TACC2: variants seen among roughly 807,000 people sequenced by gnomAD.
TACC2 encodes transforming acidic coiled-coil-containing protein 2.
In TACC2, 137 loss-of-function variants were observed where a neutral mutation model predicts 227.3. The ratio of observed to expected loss-of-function variants is 0.60; its 90% CI spans 0.52 to 0.69. TACC2 has a LOEUF of 0.69. Among genes scored for constraint, TACC2 ranks in the 30% least tolerant of loss-of-function variants. TACC2 has a pLI of 0.00. For synonymous variants in TACC2, 1,523 were observed against 1,487.5 expected, an observed-to-expected ratio of 1.02 and a Z score of -0.55; for missense variants, 3,470 against 3,694.4, an observed-to-expected ratio of 0.94 and a Z score of 1.57.
At chr10:122,140,802 TC>T (rs2090414784) in intron 6 of TACC2, among the ~76,000 whole-genome samples, 1 of 152,224 alleles carries the variant, frequency 6.6e-6, no homozygotes, top group South Asian at 2.1e-4. Flanking sequence ...ACCTGCTTAC[TC>T]GCTTTGCTTG....
At chr10:122,012,418 C>CAAAAAAAAAA (rs752342348) in intron 1 of TACC2, among the ~76,000 whole-genome samples, 2,981 of 60,502 alleles carry the variant, frequency 0.049, 205 homozygotes, top group Non-Finnish European at 0.07. Flanking sequence ...GACTCCGTCT[C>CAAAAAAAAAA]AAAAAAAAAA....
At chr10:122,114,663 T>G (rs1441652020) in intron 5 of TACC2, among the ~76,000 whole-genome samples, 1 of 152,172 alleles carries the variant, frequency 6.6e-6, no homozygotes. Flanking sequence ...CCACAGCAAC[T>G]CAGCTACCCA....
chr10:122,041,443 T>TTTG (rs1221403679), intron 2 of TACC2, among the ~76,000 whole-genome samples: 2 of 148,686 alleles, frequency 1.3e-5, no homozygotes, highest in South Asian at 2.1e-4. Flanking sequence ...TTTCCTTTCT[T>TTTG]TTTTTTTTTT....
intron 7 of TACC2, among the ~76,000 whole-genome samples, chr10:122,173,956 A>AGGCTG (rs1407067200): frequency 3.9e-5 from 6 of 152,318 alleles, no homozygotes; most frequent in African/African-American, 1.4e-4. Flanking sequence ...GAAGTGGGCT[A>AGGCTG]GGCTGGGCTG....
At chr10:122,116,400 G>A (rs1161263068) in intron 5 of TACC2, among the ~76,000 whole-genome samples, 1 of 152,188 alleles carries the variant, frequency 6.6e-6, no homozygotes, top group Non-Finnish European at 1.5e-5. Flanking sequence ...ATTTTCCTTA[G>A]GTTGGGGAAG....
At chr10:122,108,826 C>T (rs1476089249) in intron 5 of TACC2, among the ~76,000 whole-genome samples, 2 of 151,962 alleles carry the variant, frequency 1.3e-5, no homozygotes, top group African/African-American at 2.4e-5. Flanking sequence ...CTCTGCCTCC[C>T]GGGTTCAAGT....
At chr10:122,152,026 T>TA (rs1446668979) in intron 7 of TACC2, among the ~76,000 whole-genome samples, 1 of 152,150 alleles carries the variant, frequency 6.6e-6, no homozygotes, top group Non-Finnish European at 1.5e-5. Context: ...TTCCTCCCCT[T>TA]ACTGCCCAAG....
At chr10:122,161,146 G>A (rs2139781804) in intron 7 of TACC2, among the ~76,000 whole-genome samples, 1 of 152,150 alleles carries the variant, frequency 6.6e-6, no homozygotes, top group African/African-American at 2.4e-5. Context: ...ATGTTGCCCA[G>A]GCTGGTCTTG....
At chr10:122,250,109 CAG>C (rs2096223188) in intron 22 of TACC2, among the ~76,000 whole-genome samples, 1 of 152,198 alleles carries the variant, frequency 6.6e-6, no homozygotes, top group Non-Finnish European at 1.5e-5. Context: ...ATTCCAGGGA[CAG>C]GGGTGATCTT....
At chr10:122,005,379 CAG>C in intron 1 of TACC2, among the ~76,000 whole-genome samples, 3 of 114,660 alleles carry the variant, frequency 2.6e-5, no homozygotes, top group South Asian at 2.7e-4. Flanking sequence ...CCACCACGCC[CAG>C]CTTTTTTTTT....
At position 122,086,305 on chromosome 10, in the gene TACC2, T is replaced by C. The variant is rs1387737473; in HGVS notation, c.3805T>C (p.Cys1269Arg). ...ADPRAPGESPCPVGEPPLALE... is the reference protein window; with the variant it reads ...ADPRAPGESPRPVGEPPLALE... ...CCCCAGAGCTCCTGGCGAAAGCCCC[T>C]GTCCTGTAGGGGAGCCCCCACTTGC... Residue 1269 changes from cysteine (C) to arginine (R), a missense_variant, in exon 4 of 23, where the codon TGT becomes CGT. By Grantham distance (180) the Cys-to-Arg change is radical. This residue lies in a region of TACC2 where 1,924 missense variants were observed against 1,978.3 expected (regional missense o/e 0.97). Coordinates refer to ENST00000369005, the MANE Select transcript of TACC2 (RefSeq NM_206862.4). 1 of 1,613,824 alleles carries C rather than the reference T, an allele frequency of 6.2e-7. No individual in the cohort carries two copies. Among genetic ancestry groups the C allele is most frequent in the Non-Finnish European group, 8.5e-7 (1 of 1,180,044 alleles).
chr10:122,225,615 G>A (rs558433842), intron 12 of TACC2, among the ~76,000 whole-genome samples: 5 of 152,302 alleles, frequency 3.3e-5, no homozygotes, highest in Non-Finnish European at 5.9e-5. Context: ...TACTGAGGGC[G>A]AGACATTTTA....
intron 3 of TACC2, among the ~76,000 whole-genome samples, chr10:122,077,265 CATAT>C (rs1430013580): frequency 6.6e-6 from 1 of 152,142 alleles, no homozygotes; most frequent in Non-Finnish European, 1.5e-5. Flanking sequence ...CTCGTACATT[CATAT>C]ATCAACAACA....
intron 5 of TACC2, among the ~76,000 whole-genome samples, chr10:122,115,650 C>G (rs2084560231): frequency 6.6e-6 from 1 of 152,188 alleles, no homozygotes; most frequent in African/African-American, 2.4e-5. Context: ...GAAAGGGTCT[C>G]TGGGCTTGCC....
intron 7 of TACC2, chr10:122,164,011 C>T (rs1224061400): frequency 6.4e-7 from 1 of 1,568,784 alleles, no homozygotes; most frequent in Admixed American, 1.8e-5. Context: ...TCCGCCCGGG[C>T]CGCCCCGAGT....
chr10:122,197,249 G>A (rs541746123), intron 8 of TACC2, among the ~76,000 whole-genome samples: 122 of 152,260 alleles, frequency 8.0e-4, no homozygotes, highest in African/African-American at 2.7e-3. Flanking sequence ...TGACAGAACC[G>A]GACTCTGTCT....
intron 2 of TACC2, among the ~76,000 whole-genome samples, chr10:122,049,587 G>A (rs966010222): frequency 6.6e-6 from 1 of 152,150 alleles, no homozygotes; most frequent in South Asian, 2.1e-4. Flanking sequence ...GTTGTTTGGG[G>A]TGGGGGCACA....
At chr10:122,078,305 G>A (rs1019370984) in intron 3 of TACC2, among the ~76,000 whole-genome samples, 1 of 150,774 alleles carries the variant, frequency 6.6e-6, no homozygotes, top group Non-Finnish European at 1.5e-5. Flanking sequence ...TGGTTTTGCC[G>A]ACTCCTGAAA....
In TACC2 at chr10:122,215,378, AT is replaced by A; in HGVS notation, c.7284-9del. On this transcript the variant is annotated splice_polypyrimidine_tract_variant and intron_variant, in intron 9 of 22. Coordinates refer to ENST00000369005, the MANE Select transcript of TACC2 (RefSeq NM_206862.4). ...TCTGCTTGTTGTGTTTACGTTTTCC[AT>A]TTTGTTTCCAGTGACACATTTAGGG... 1 of 1,612,874 alleles carries A rather than the reference AT, an allele frequency of 6.2e-7. No individual in the cohort carries two copies. Among genetic ancestry groups the A allele is most frequent in the Non-Finnish European group, 8.5e-7 (1 of 1,179,132 alleles).
Sources: gnomAD v4.1 joint callset for allele counts (sites outside exome capture counted in the v4.1 genomes callset) on GRCh38, gnomAD v4.1.1 for gene constraint, gnomAD v4.1.1 regional missense constraint, MANE v1.5 for transcripts, NCBI Gene and HGNC (gene_info 2026-07-23, HGNC 2026-07-21) for gene names.